The following C13orf42 variants were observed in gnomAD, a reference collection of about 807,000 sequenced individuals.
The protein encoded by C13orf42 is uncharacterized protein C13orf42.
chr13:51,116,224 C>T (rs1170743056), upstream of C13orf42, among the ~76,000 whole-genome samples: 2 of 152,192 alleles, frequency 1.3e-5, no homozygotes, highest in African/African-American at 4.8e-5. Flanking sequence ...GTGTACATTG[C>T]TGCCCATCAG....
intron 1 of C13orf42, among the ~76,000 whole-genome samples, chr13:51,168,333 G>T (rs1953917796): frequency 6.6e-6 from 1 of 152,208 alleles, no homozygotes; most frequent in Non-Finnish European, 1.5e-5. Context: ...GAGATTGCTA[G>T]CTATCTCCTA....
intron 1 of C13orf42, among the ~76,000 whole-genome samples, chr13:51,130,619 C>T (rs1269662617): frequency 6.6e-6 from 1 of 152,052 alleles, no homozygotes; most frequent in Non-Finnish European, 1.5e-5. Flanking sequence ...CTTAAATGTA[C>T]AGCTTGGTAA....
chr13:51,129,640 C>A (rs1443190855), intron 1 of C13orf42, among the ~76,000 whole-genome samples: 1 of 152,134 alleles, frequency 6.6e-6, no homozygotes, highest in African/African-American at 2.4e-5. Flanking sequence ...TCTGTGCAAA[C>A]CAGTTGAACG....
At chr13:51,141,087 C>T (rs1238323182) in intron 1 of C13orf42, among the ~76,000 whole-genome samples, 5 of 98,476 alleles carry the variant, frequency 5.1e-5, no homozygotes, top group Admixed American at 1.1e-4. Context: ...AGGCTAACAT[C>T]GAAGGGAGGT....
chr13:51,110,390 G>A (rs938338105), intron 1 of C13orf42, among the ~76,000 whole-genome samples: 1 of 152,068 alleles, frequency 6.6e-6, no homozygotes, highest in Non-Finnish European at 1.5e-5. Flanking sequence ...CTTCCCCACC[G>A]AGCTGCTCTG....
At chr13:51,144,781 T>A (rs1229552734) in intron 1 of C13orf42, among the ~76,000 whole-genome samples, 2 of 152,232 alleles carry the variant, frequency 1.3e-5, no homozygotes. Flanking sequence ...CATGGGTATT[T>A]GATGGCACAA....
intron 1 of C13orf42, among the ~76,000 whole-genome samples, chr13:51,092,190 G>C (rs1953186798): frequency 6.6e-6 from 1 of 152,232 alleles, no homozygotes; most frequent in Admixed American, 6.5e-5. Context: ...CCTAGTTGGG[G>C]GATAAATTAC....
In C13orf42 at chr13:51,084,010, C is replaced by T. The variant is rs1194968543; in HGVS notation, c.*141G>A. The T allele has an allele frequency of 7.6e-6, 3 of 394,222 alleles. No homozygotes were observed. The highest frequency in any genetic ancestry group is 4.4e-5 in the Admixed American group (1 of 22,578). The allele number at this position is 394,222 out of a possible 1,614,324, so 24.4% of individuals were successfully genotyped here. A position where few individuals can be genotyped will look rare whatever the true frequency, so the allele number is the denominator to read the frequency against. On this transcript the variant is annotated 3_prime_UTR_variant, in exon 4 of 4. Coordinates refer to ENST00000563710, the MANE Select transcript of C13orf42 (RefSeq NM_001351589.3). ...GCCACAGGTCTGTTTGGCACTGGCA[C>T]GGCACCAGCAGGCAGTGTGCTGAGT...
At chr13:51,125,380 T>C (rs541304529) in intron 1 of C13orf42, among the ~76,000 whole-genome samples, 26 of 152,324 alleles carry the variant, frequency 1.7e-4, no homozygotes, top group African/African-American at 5.1e-4. Flanking sequence ...ACATCAAATA[T>C]TGGTGCCTGG....
rs78309355 is a variant in C13orf42, at chr13:51,168,568, G to A, written n.136+3685C>T. Among the ~76,000 whole-genome samples, 276 of 152,192 alleles carry A rather than the reference G, an allele frequency of 1.8e-3. 1 individual carries two copies. The highest frequency in any genetic ancestry group is 4.4e-3 in the African/African-American group (183 of 41,520). On this transcript the variant is annotated intron_variant and non_coding_transcript_variant, in intron 1 of 4. Coordinates refer to the C13orf42 transcript ENST00000433280. ...TTAGGCAAAAATGATGAGTTATTTC[G>A]GACTATGTAGATAAAGGCAACTCCC... is the stretch of plus-strand genomic sequence containing the variant.
chr13:51,169,715 G>A (rs977561628), intron 1 of C13orf42, among the ~76,000 whole-genome samples: 8 of 152,204 alleles, frequency 5.3e-5, no homozygotes, highest in Non-Finnish European at 8.8e-5. Context: ...CAGGCAGAGG[G>A]TGCCAGCCAT....
chr13:51,086,283 G>A (rs1050412884), intron 2 of C13orf42, among the ~76,000 whole-genome samples: 1 of 147,972 alleles, frequency 6.8e-6, no homozygotes, highest in African/African-American at 2.5e-5. Flanking sequence ...CACAGCCTGG[G>A]CGATGGAGCG....
chr13:51,138,048 C>T (rs1953670401), intron 1 of C13orf42, among the ~76,000 whole-genome samples: 1 of 152,200 alleles, frequency 6.6e-6, no homozygotes, highest in Non-Finnish European at 1.5e-5. Context: ...CCTAGCACTT[C>T]CAGGGCCCTC....
chr13:51,139,739 C>T (rs1194462327), intron 1 of C13orf42, among the ~76,000 whole-genome samples: 2 of 152,164 alleles, frequency 1.3e-5, no homozygotes, highest in Non-Finnish European at 2.9e-5. Context: ...AAGAAGTTAT[C>T]CTATATGGTC....
intron 1 of C13orf42, among the ~76,000 whole-genome samples, chr13:51,104,121 G>A (rs1352192875): frequency 2.6e-5 from 4 of 152,158 alleles, no homozygotes; most frequent in African/African-American, 7.2e-5. Context: ...TTCTAAATGA[G>A]GTACTTTGAG....
chr13:51,154,664 T>A (rs769765208), intron 1 of C13orf42, among the ~76,000 whole-genome samples: 2 of 152,214 alleles, frequency 1.3e-5, no homozygotes, highest in Admixed American at 6.5e-5. Flanking sequence ...CTGTAGAACA[T>A]TCTGGAACTG....
At chr13:51,127,641 C>A (rs2138018958) in intron 1 of C13orf42, among the ~76,000 whole-genome samples, 2 of 152,202 alleles carry the variant, frequency 1.3e-5, no homozygotes, top group Non-Finnish European at 2.9e-5. Flanking sequence ...TATATTACTT[C>A]CTCAAATTTT....
intron 1 of C13orf42, among the ~76,000 whole-genome samples, chr13:51,104,564 C>T (rs576804702): frequency 5.9e-5 from 9 of 152,136 alleles, no homozygotes; most frequent in Non-Finnish European, 1.3e-4. Context: ...CTAAAAGGCA[C>T]TCATTTCAGG....
intron 1 of C13orf42, among the ~76,000 whole-genome samples, chr13:51,145,407 T>G (rs1953726732): frequency 6.6e-6 from 1 of 152,176 alleles, no homozygotes; most frequent in Non-Finnish European, 1.5e-5. Context: ...ACATGAGACT[T>G]CATAACCTGC....
Sources: gnomAD v4.1 joint callset for allele counts (sites outside exome capture counted in the v4.1 genomes callset) on GRCh38, gnomAD v4.1.1 for gene constraint, MANE v1.5 for transcripts, NCBI Gene and HGNC (gene_info 2026-07-23, HGNC 2026-07-21) for gene names.